Variants in NCOA1 observed in about 807,000 individuals in gnomAD.
NCOA1 encodes the protein nuclear receptor coactivator 1.
Under a neutral mutation model 150.9 loss-of-function variants are expected in NCOA1, and 35 were observed. The observed-to-expected ratio is 0.23, with a 90% CI of 0.18 to 0.31. The LOEUF is 0.31. NCOA1 is among the 10% of genes least tolerant of loss of function. The pLI is 1.00. For synonymous variants in NCOA1, 590 were observed against 630.0 expected, an observed-to-expected ratio of 0.94 and a Z score of 0.95; for missense variants, 1,491 against 1,749.3, an observed-to-expected ratio of 0.85 and a Z score of 2.63.
intron 3 of NCOA1, among the ~76,000 whole-genome samples, chr2:24,634,713 C>T (rs1228783732): frequency 1.8e-5 from 2 of 109,772 alleles, no homozygotes; most frequent in Admixed American, 8.8e-5. Context: ...GAGGAACCCC[C>T]CCCCCCCCCG....
chr2:24,507,073 C>T (rs1032282015), intron 1 of NCOA1, among the ~76,000 whole-genome samples: 1 of 152,198 alleles, frequency 6.6e-6, no homozygotes, highest in Non-Finnish European at 1.5e-5. Flanking sequence ...AGTACTGTTA[C>T]TATTAGCGGC....
intron 1 of NCOA1, among the ~76,000 whole-genome samples, chr2:24,549,380 G>T (rs982340981): frequency 6.6e-6 from 1 of 152,120 alleles, no homozygotes; most frequent in Admixed American, 6.5e-5. Flanking sequence ...ATCTGGGCTT[G>T]TGATGGGAGG....
chr2:24,536,431 G>A (rs1208713654), intron 1 of NCOA1, among the ~76,000 whole-genome samples: 1 of 152,056 alleles, frequency 6.6e-6, no homozygotes, highest in African/African-American at 2.4e-5. Context: ...TGTTATTACT[G>A]ACTTTCTGAA....
intron 19 of NCOA1, among the ~76,000 whole-genome samples, chr2:24,744,614 A>G (rs1445423264): frequency 6.6e-6 from 1 of 152,224 alleles, no homozygotes; most frequent in Non-Finnish European, 1.5e-5. Flanking sequence ...GCTTAAGGAA[A>G]TCCAGATAAA....
At chr2:24,551,219 A>C (rs1665818825) in intron 1 of NCOA1, among the ~76,000 whole-genome samples, 1 of 152,240 alleles carries the variant, frequency 6.6e-6, no homozygotes, top group African/African-American at 2.4e-5. Flanking sequence ...GACCAGTAGG[A>C]AAGGTTAAAC....
chr2:24,613,727 A>G (rs1012882263), intron 3 of NCOA1, among the ~76,000 whole-genome samples: 4 of 152,052 alleles, frequency 2.6e-5, no homozygotes, highest in African/African-American at 9.7e-5. Context: ...GCCTGAAGCT[A>G]TGCCCGGGAA....
At chr2:24,739,344 G>C in intron 17 of NCOA1, 88 bp from the exon 18 acceptor site, 1 of 943,902 alleles carries the variant, frequency 1.1e-6, no homozygotes, top group Non-Finnish European at 1.7e-6. Flanking sequence ...AAACTTTTTA[G>C]TAATCAATAG....
chr2:24,611,532 A>G (rs922998411), intron 3 of NCOA1, among the ~76,000 whole-genome samples: 4 of 152,198 alleles, frequency 2.6e-5, no homozygotes, highest in Admixed American at 6.5e-5. Flanking sequence ...ACCGTTTCCC[A>G]TAGTGGGTGA....
chr2:24,625,093 A>G (rs548786210), intron 3 of NCOA1, among the ~76,000 whole-genome samples: 1 of 152,204 alleles, frequency 6.6e-6, no homozygotes, highest in Non-Finnish European at 1.5e-5. Context: ...GTAAGAAACA[A>G]ATGAGTGTGA....
chr2:24,757,323 A>G (rs1408993452), intron 20 of NCOA1, among the ~76,000 whole-genome samples: 1 of 152,220 alleles, frequency 6.6e-6, no homozygotes, highest in African/African-American at 2.4e-5. Flanking sequence ...ACTGGCACAG[A>G]TACAGTAAAC....
chr2:24,675,567 G>A (rs1671865607), intron 7 of NCOA1, among the ~76,000 whole-genome samples: 1 of 152,146 alleles, frequency 6.6e-6, no homozygotes, highest in Admixed American at 6.5e-5. Context: ...TTCTTTACTA[G>A]GGGAAAAGAT....
At chr2:24,561,779 A>T (rs1437904308) in intron 1 of NCOA1, among the ~76,000 whole-genome samples, 1 of 152,214 alleles carries the variant, frequency 6.6e-6, no homozygotes, top group Non-Finnish European at 1.5e-5. Flanking sequence ...TGTCAGAAAA[A>T]AATAGATGAA....
intron 3 of NCOA1, among the ~76,000 whole-genome samples, chr2:24,601,893 C>T (rs1399010495): frequency 1.3e-5 from 2 of 152,006 alleles, no homozygotes; most frequent in African/African-American, 4.8e-5. Context: ...CCCTTGGCCT[C>T]CCAAAGTGCT....
chr2:24,614,865 G>A (rs1298836153), intron 3 of NCOA1, among the ~76,000 whole-genome samples: 2 of 152,212 alleles, frequency 1.3e-5, no homozygotes, highest in Admixed American at 6.5e-5. Flanking sequence ...AATTCTAGCT[G>A]TTAGTATTAA....
intron 14 of NCOA1, among the ~76,000 whole-genome samples, chr2:24,715,737 G>A (rs1674000854): frequency 6.6e-6 from 1 of 152,028 alleles, no homozygotes; most frequent in East Asian, 1.9e-4. Flanking sequence ...ATTAGAGGGG[G>A]GCCAAATAAA....
intron 5 of NCOA1, among the ~76,000 whole-genome samples, chr2:24,661,227 G>C (rs573174398): frequency 6.6e-6 from 1 of 152,054 alleles, no homozygotes; most frequent in Admixed American, 6.5e-5. Flanking sequence ...ATGGGTGTGG[G>C]GTTATAGTTT....
intron 20 of NCOA1, among the ~76,000 whole-genome samples, chr2:24,755,042 G>A (rs771752439): frequency 2.0e-5 from 3 of 152,170 alleles, no homozygotes; most frequent in South Asian, 2.1e-4. Flanking sequence ...GTGTATTAGC[G>A]TATATCACCT....
intron 22 of NCOA1, among the ~76,000 whole-genome samples, chr2:24,765,261 C>T (rs369223086): frequency 8.3e-4 from 126 of 151,744 alleles, no homozygotes; most frequent in African/African-American, 2.8e-3. Flanking sequence ...CCCAATACTT[C>T]AGGAGGCTGA....
At chr2:24,513,027 C>A (rs1284111391) in intron 1 of NCOA1, among the ~76,000 whole-genome samples, 2 of 152,158 alleles carry the variant, frequency 1.3e-5, no homozygotes, top group Non-Finnish European at 2.9e-5. Context: ...CCTTCTGTCA[C>A]AAGTACTTCT....
Sources: gnomAD v4.1 joint callset for allele counts (sites outside exome capture counted in the v4.1 genomes callset) on GRCh38, gnomAD v4.1.1 for gene constraint, MANE v1.5 for transcripts, NCBI Gene and HGNC (gene_info 2026-07-23, HGNC 2026-07-21) for gene names.